STK35: variants seen among roughly 807,000 people sequenced by gnomAD.
The protein encoded by STK35 is serine/threonine kinase 35, also known as serine/threonine-protein kinase 35.
STK35 carries 17 observed loss-of-function variants against 37.3 expected under a neutral mutation model. That is an observed-to-expected ratio of 0.46 (90% CI 0.31 to 0.68). The LOEUF (loss-of-function observed/expected upper bound fraction) is 0.68. Among genes scored for constraint, STK35 ranks in the 30% least tolerant of loss-of-function variants. STK35 has a pLI of 0.05. For synonymous variants in STK35, 385 were observed against 319.1 expected, an observed-to-expected ratio of 1.21 and a Z score of -2.20; for missense variants, 595 against 746.7, an observed-to-expected ratio of 0.80 and a Z score of 2.37.
At chr20:2,131,611 T>C (rs1986001507) in intron 3 of STK35, among the ~76,000 whole-genome samples, 1 of 152,238 alleles carries the variant, frequency 6.6e-6, no homozygotes, top group African/African-American at 2.4e-5. Context: ...TACTGTACAC[T>C]ATTGTAGAAT....
At chr20:2,136,230 G>A (rs56136190) in intron 3 of STK35, among the ~76,000 whole-genome samples, 10,533 of 152,282 alleles carry the variant, frequency 0.069, 993 homozygotes, top group African/African-American at 0.21. Flanking sequence ...GCCTCCTGTT[G>A]AGAAGTCAGT....
At chr20:2,133,075 G>C (rs1310195192) in intron 3 of STK35, among the ~76,000 whole-genome samples, 17 of 152,214 alleles carry the variant, frequency 1.1e-4, no homozygotes, top group Non-Finnish European at 2.9e-5. Context: ...CTCCCAAAGA[G>C]ATCTCCAAAC....
At chr20:2,103,434 A>T in intron 2 of STK35, 69 bp downstream of exon 2, 2 of 1,477,834 alleles carry the variant, frequency 1.4e-6, no homozygotes, top group Non-Finnish European at 1.8e-6. Context: ...GGCTTGGCCC[A>T]CACTGTTCCT....
intron 3 of STK35, among the ~76,000 whole-genome samples, chr20:2,135,394 C>T (rs1986069603): frequency 6.6e-6 from 1 of 152,196 alleles, no homozygotes; most frequent in African/African-American, 2.4e-5. Context: ...CCAGCCGCCT[C>T]TTTCAACAAT....
At chr20:2,114,470 G>C (rs1221398761) in intron 2 of STK35, among the ~76,000 whole-genome samples, 1 of 152,084 alleles carries the variant, frequency 6.6e-6, no homozygotes, top group Non-Finnish European at 1.5e-5. Flanking sequence ...TTTTGTATCT[G>C]GGACAAATAG....
At chr20:2,120,291 C>A (rs779999482) in intron 3 of STK35, among the ~76,000 whole-genome samples, 5 of 152,116 alleles carry the variant, frequency 3.3e-5, no homozygotes, top group Non-Finnish European at 7.4e-5. Flanking sequence ...GCAGTTTTGG[C>A]TAAATTGGAG....
At chr20:2,123,615 A>G (rs182639740) in intron 3 of STK35, among the ~76,000 whole-genome samples, 10 of 152,346 alleles carry the variant, frequency 6.6e-5, no homozygotes, top group African/African-American at 2.2e-4. Flanking sequence ...TACGCACGCT[A>G]TAGCTACCAA....
intron 3 of STK35, among the ~76,000 whole-genome samples, chr20:2,133,176 G>A (rs1386770936): frequency 6.6e-6 from 1 of 152,152 alleles, no homozygotes; most frequent in Non-Finnish European, 1.5e-5. Context: ...CTCTCTGTGG[G>A]TGTGACCTTC....
At chr20:2,138,483 T>G (rs1986121851) in intron 3 of STK35, among the ~76,000 whole-genome samples, 1 of 152,120 alleles carries the variant, frequency 6.6e-6, no homozygotes, top group Non-Finnish European at 1.5e-5. Flanking sequence ...TTTTCTAGTT[T>G]AGGAGAAGGA....
At chr20:2,130,666 T>C (rs1404957938) in intron 3 of STK35, among the ~76,000 whole-genome samples, 1 of 152,172 alleles carries the variant, frequency 6.6e-6, no homozygotes, top group Non-Finnish European at 1.5e-5. Context: ...ACTACTTTAA[T>C]TTGTAAATTG....
chr20:2,111,237 G>A (rs1473101520), intron 2 of STK35, among the ~76,000 whole-genome samples: 1 of 152,110 alleles, frequency 6.6e-6, no homozygotes, highest in Non-Finnish European at 1.5e-5. Context: ...TAAGGAACTT[G>A]TTTCATTGTC....
intron 2 of STK35, among the ~76,000 whole-genome samples, chr20:2,112,717 C>A (rs1293768911): frequency 5.9e-5 from 9 of 152,154 alleles, no homozygotes; most frequent in African/African-American, 2.2e-4. Context: ...TACCTGGAAC[C>A]CAGTAGGCTT....
rs1037097858 is a variant in STK35, at chr20:2,112,160, G to C, written c.893-4506G>C. ...CTGGAGAAGGCTTAAGGATAGGCTT[G>C]TAAAAATCTAGAGCATTTTGTATTT... On this transcript the variant is annotated intron_variant, in intron 2 of 3. Transcript: ENST00000381482. Among the ~76,000 whole-genome samples, 3 of 152,204 alleles carry C rather than the reference G, an allele frequency of 2.0e-5. 1 individual carries two copies. Among genetic ancestry groups the C allele is most frequent in the Middle Eastern group, 3.2e-3 (1 of 316 alleles).
At chr20:2,120,767 A>G (rs2122559494) in intron 3 of STK35, among the ~76,000 whole-genome samples, 1 of 152,374 alleles carries the variant, frequency 6.6e-6, no homozygotes, top group African/African-American at 2.4e-5. Context: ...TTTTTGCAGT[A>G]TGGAGCTTAA....
intron 3 of STK35, among the ~76,000 whole-genome samples, chr20:2,140,496 G>A (rs545325957): frequency 6.6e-4 from 100 of 152,322 alleles, no homozygotes; most frequent in African/African-American, 2.2e-3. Flanking sequence ...TACAGAAAGC[G>A]CCTCCACTAC....
chr20:2,102,037 A>G lies in STK35; in HGVS notation c.156A>G (p.Gly52=). The G allele has an allele frequency of 6.6e-7, 1 of 1,526,562 alleles. No individual in the cohort carries two copies. Among genetic ancestry groups the G allele is most frequent in the Non-Finnish European group, 8.8e-7 (1 of 1,142,510 alleles). 94.6% of individuals were successfully genotyped at this position (1,526,562 alleles called of 1,614,324 possible). A position where few individuals can be genotyped will look rare whatever the true frequency, so the allele number is the denominator to read the frequency against. Residue 52 remains glycine (G), a synonymous_variant, in exon 1 of 4, where the codon GGA becomes GGG. Coordinates refer to ENST00000381482, the MANE Select transcript of STK35 (RefSeq NM_080836.4). ...CAGCGAGCGCCGCGGCAGCAGAAGG[A>G]TCCGCTACACGCCGGGCTCGGGCCG... ...ASPASAAAAE[G]SATRRARAAT...
At chr20:2,134,452 G>GCACA (rs1378585996) in intron 3 of STK35, among the ~76,000 whole-genome samples, 5 of 152,176 alleles carry the variant, frequency 3.3e-5, no homozygotes, top group Non-Finnish European at 7.4e-5. Context: ...CCTGTGCTGG[G>GCACA]GGTGCCCTGT....
Position 2,101,867 on chromosome 20 carries a change from C to T in STK35, c.-15C>T. On this transcript the variant is annotated 5_prime_UTR_variant, in exon 1 of 4. Transcript: ENST00000381482. ...ACCGGGCGGTGCAGGGCTCACTCGG[C>T]TGGCGTCCCGGGGGATGGGCCACCA... 7.1e-7 allele frequency: 1 copy of T among 1,410,152 alleles called. No individual in the cohort carries two copies. 87.4% of individuals were successfully genotyped at this position (1,410,152 alleles called of 1,614,324 possible).
intron 3 of STK35, among the ~76,000 whole-genome samples, chr20:2,135,000 C>T (rs968310017): frequency 6.6e-6 from 1 of 152,192 alleles, no homozygotes; most frequent in Non-Finnish European, 1.5e-5. Context: ...AGGTTAAGAA[C>T]CCCTGTGCTG....
Sources: allele counts gnomAD v4.1 joint callset (sites outside exome capture counted in the v4.1 genomes callset), GRCh38; gene constraint gnomAD v4.1.1; transcripts MANE v1.5; gene names NCBI Gene and HGNC (gene_info 2026-07-23, HGNC 2026-07-21).